NF1: variants seen among roughly 807,000 people sequenced by gnomAD.
NF1 encodes neurofibromin.
In NF1, 122 loss-of-function variants were observed where a neutral mutation model predicts 325.7. That is an observed-to-expected ratio of 0.37 (90% CI 0.32 to 0.44). The LOEUF (loss-of-function observed/expected upper bound fraction) is 0.44, where lower values mean the gene tolerates loss of function less well. Among genes scored for constraint, NF1 ranks in the 20% least tolerant of loss-of-function variants. The pLI is 1.00. For synonymous variants in NF1, 1,091 were observed against 1,186.0 expected (o/e 0.92, Z 1.65); for missense variants, 2,140 against 3,415.4 (o/e 0.63, Z 9.31).
At chr17:31,351,460 A>G (rs2070142165) in intron 50 of NF1, among the ~76,000 whole-genome samples, 1 of 152,154 alleles carries the variant, frequency 6.6e-6, no homozygotes, top group South Asian at 2.1e-4. Flanking sequence ...TCTGTCGCCC[A>G]GGCTGGAGTG....
At chr17:31,292,397 T>G (rs2068360951) in intron 36 of NF1, among the ~76,000 whole-genome samples, 1 of 152,218 alleles carries the variant, frequency 6.6e-6, no homozygotes, top group South Asian at 2.1e-4. Context: ...ATAATTTCTT[T>G]GGAAGGAAAT....
At chr17:31,131,701 A>C (rs943558037) in intron 1 of NF1, among the ~76,000 whole-genome samples, 2 of 152,208 alleles carry the variant, frequency 1.3e-5, no homozygotes, top group Admixed American at 1.3e-4. Context: ...TTGTTGGTGT[A>C]AACTTGCTGA....
rs367734104 is a variant in NF1, at chr17:31,340,592, C to T, written c.7009C>T (p.Leu2337Phe). 1 of 1,613,986 alleles carries T rather than the reference C, an allele frequency of 6.2e-7. No individual in the cohort carries two copies. Among genetic ancestry groups the T allele is most frequent in the African/African-American group, 1.3e-5 (1 of 74,898 alleles). ...EVNLYSAGTA[L>F]LEQNLHTLDS... The stretch of plus-strand genomic sequence containing the variant: ...CAACTTGTATTCAGCAGGTACCGCA[C>T]TTCTTGAACAAAACCTGCATACTTT... Residue 2337 changes from leucine (L) to phenylalanine (F), a missense_variant, in exon 47 of 58, where the codon CTT becomes TTT. Coordinates refer to ENST00000358273, the MANE Select transcript of NF1 (RefSeq NM_001042492.3).
chr17:31,134,076 T>C (rs887228408), intron 1 of NF1, among the ~76,000 whole-genome samples: 4 of 152,238 alleles, frequency 2.6e-5, no homozygotes, highest in Non-Finnish European at 5.9e-5. Context: ...TACAGTATCA[T>C]GAGCATAGCT....
At chr17:31,301,990 G>C (rs994540554) in intron 36 of NF1, among the ~76,000 whole-genome samples, 1 of 151,928 alleles carries the variant, frequency 6.6e-6, no homozygotes, top group African/African-American at 2.4e-5. Flanking sequence ...ATTTTCTTCT[G>C]TCCTGCATTT....
chr17:31,272,478 TA>T (rs1462147410), intron 36 of NF1: 5 of 152,248 alleles, frequency 3.3e-5, no homozygotes, highest in Admixed American at 2.0e-4. Flanking sequence ...ACAGTATTCA[TA>T]TTCATAGTTG....
chr17:31,245,735 A>G (rs759328843), intron 29 of NF1, among the ~76,000 whole-genome samples: 5 of 152,116 alleles, frequency 3.3e-5, no homozygotes, highest in South Asian at 2.1e-4. Flanking sequence ...AGGCACCTCT[A>G]TGTGTTCGGC....
intron 13 of NF1, among the ~76,000 whole-genome samples, chr17:31,215,508 A>AATATCTGAG (rs1261664280): frequency 1.3e-5 from 2 of 152,238 alleles, no homozygotes; most frequent in African/African-American, 4.8e-5. Flanking sequence ...TTGGGATCAT[A>AATATCTGAG]ATAGTTCCTA....
Position 31,116,728 on chromosome 17 carries a change from C to T in NF1, c.60+21359C>T, listed in dbSNP as rs137918375. On this transcript the variant is annotated intron_variant, in intron 1 of 57. Coordinates refer to ENST00000358273, the MANE Select transcript of NF1 (RefSeq NM_001042492.3). ...TGTCGCCCAGGCTGGAGTGCAGTGG[C>T]GCCATCTCCGCTCACTGCAAGCTCC... 3.2e-3 allele frequency among the ~76,000 whole-genome samples: 473 copies of T among 148,602 alleles called. 3 individuals are homozygous for T. The highest frequency in any genetic ancestry group is 0.011 in the African/African-American group (451 of 40,350).
At chr17:31,362,016 AGTACAGT>A (rs1397717969) in intron 57 of NF1, among the ~76,000 whole-genome samples, 1 of 152,120 alleles carries the variant, frequency 6.6e-6, no homozygotes, top group Non-Finnish European at 1.5e-5. Context: ...CTAACTCTCT[AGTACAGT>A]GTTTCTCCAC....
Position 31,200,431 on chromosome 17 carries a change from C to T in NF1, c.898C>T (p.Leu300=), listed in dbSNP as rs786201926. The T allele has an allele frequency of 4.3e-6, 7 of 1,613,880 alleles. No homozygotes were observed. In the African/African-American group the frequency reaches 9.3e-5, roughly 22 times the overall value. ...DENNMNKKLF[L]DSLRKALAGH... ...TATTTGAATTCTGTAGAAGTTATTT[C>T]TGGACAGTCTACGAAAAGCTCTTGC... The change falls in exon 9 of 58, where the codon CTG becomes TTG. Residue 300 remains leucine (L), a synonymous_variant. Transcript: ENST00000358273.
intron 36 of NF1, among the ~76,000 whole-genome samples, chr17:31,285,926 G>A (rs2068218645): frequency 6.6e-6 from 1 of 152,106 alleles, no homozygotes; most frequent in African/African-American, 2.4e-5. Flanking sequence ...AAAGTATAGC[G>A]ATCCAACCTG....
intron 46 of NF1, chr17:31,340,216 A>G (rs1412738304): frequency 7.1e-6 from 3 of 423,130 alleles, no homozygotes; most frequent in Non-Finnish European, 1.3e-5. Context: ...GACAAAAGAT[A>G]CAAAAGAGAC....
At chr17:31,133,909 G>A (rs971606805) in intron 1 of NF1, among the ~76,000 whole-genome samples, 10 of 152,098 alleles carry the variant, frequency 6.6e-5, no homozygotes, top group Non-Finnish European at 1.2e-4. Context: ...TGCCTGCCTC[G>A]GCCTCCCAAA....
At chr17:31,306,587 G>A (rs1387734967) in intron 36 of NF1, among the ~76,000 whole-genome samples, 1 of 152,034 alleles carries the variant, frequency 6.6e-6, no homozygotes. Context: ...AGCATCCTTA[G>A]TGTCTCTGTA....
intron 1 of NF1, among the ~76,000 whole-genome samples, chr17:31,153,011 C>T (rs550669382): frequency 6.6e-6 from 1 of 151,392 alleles, no homozygotes; most frequent in Non-Finnish European, 1.5e-5. Flanking sequence ...TTTTTACTTT[C>T]ATGAAATAAA....
At chr17:31,220,400 A>T (rs968181371) in intron 14 of NF1, among the ~76,000 whole-genome samples, 1 of 152,242 alleles carries the variant, frequency 6.6e-6, no homozygotes, top group African/African-American at 2.4e-5. Context: ...GGCAGGAGCT[A>T]TACAAACATT....
In NF1 at chr17:31,221,848, A is replaced by T. The variant is rs1597706620; in HGVS notation, c.1642-2A>T. 6.2e-7 allele frequency: 1 copy of T among 1,601,226 alleles called. No individual in the cohort carries two copies. Among genetic ancestry groups the T allele is most frequent in the Non-Finnish European group, 8.5e-7 (1 of 1,175,596 alleles). Reference sequence around the variant, plus strand: ...TGTCTTTCTCTTTTTTAAAAAATTCAGGCTCTGCTGGTTCTTCATCAGTTA... The same window carrying T: ...TGTCTTTCTCTTTTTTAAAAAATTCTGGCTCTGCTGGTTCTTCATCAGTTA... On this transcript the variant is annotated splice_acceptor_variant, in intron 14 of 57. Coordinates refer to ENST00000358273, the MANE Select transcript of NF1 (RefSeq NM_001042492.3). LOFTEE classifies it high-confidence loss of function.
At chr17:31,256,070 C>T (rs568368999) in intron 31 of NF1, among the ~76,000 whole-genome samples, 1 of 152,118 alleles carries the variant, frequency 6.6e-6, no homozygotes, top group East Asian at 1.9e-4. Flanking sequence ...AGTTTTTAAT[C>T]CTTTTCCCTC....
Sources: allele counts gnomAD v4.1 joint callset (sites outside exome capture counted in the v4.1 genomes callset), GRCh38; gene constraint gnomAD v4.1.1; transcripts MANE v1.5; gene names NCBI Gene and HGNC (gene_info 2026-07-23, HGNC 2026-07-21).